Variants in RAB3GAP1 observed in about 807,000 individuals in gnomAD.
The protein encoded by RAB3GAP1 is rab3 GTPase-activating protein catalytic subunit.
RAB3GAP1 carries 86 observed loss-of-function variants against 130.7 expected under a neutral mutation model. The observed-to-expected ratio is 0.66, with a 90% CI of 0.55 to 0.79. RAB3GAP1 has a LOEUF of 0.79. RAB3GAP1 is among the 30% of genes least tolerant of loss of function. The probability of loss-of-function intolerance (pLI) is 0.00; values close to 1 mark genes in which losing one functional copy is unlikely to be tolerated. For synonymous variants in RAB3GAP1, 367 were observed against 401.7 expected (o/e 0.91, Z 1.03); for missense variants, 1,029 against 1,169.4 (o/e 0.88, Z 1.75).
At position 135,113,252 on chromosome 2, in the gene RAB3GAP1, C is replaced by T. The variant is rs779507214; in HGVS notation, c.464C>T (p.Ala155Val). Reference protein sequence around the residue: ...CNLLLSSVSIALGNTGCQVPL... With the variant: ...CNLLLSSVSIVLGNTGCQVPL... ...CTTCTTCTGAGTTCTGTTTCTATTG[C>T]CTTGGGAAACACTGGCTGGTGAGTG... Residue 155 changes from alanine to valine, a missense_variant, in exon 6 of 24, where the codon GCC (alanine) becomes GTC (valine). Transcript: ENST00000264158. The T allele has an allele frequency of 6.2e-7, 1 of 1,614,020 alleles. No homozygotes were observed. Among genetic ancestry groups the T allele is most frequent in the South Asian group, 1.1e-5 (1 of 91,074 alleles).
intron 8 of RAB3GAP1, 60 bp from the exon 9 acceptor site, chr2:135,124,105 A>G (rs1189595404): frequency 1.1e-5 from 16 of 1,484,388 alleles, no homozygotes; most frequent in Middle Eastern, 1.7e-4. Context: ...AAAGGGCTTA[A>G]CTAGATTAGA....
chr2:135,117,732 T>TCTG (rs1691061572), intron 7 of RAB3GAP1, among the ~76,000 whole-genome samples: 2 of 145,722 alleles, frequency 1.4e-5, no homozygotes, highest in Non-Finnish European at 3.0e-5. Context: ...TGCTTCTTCT[T>TCTG]CTTCTGCTTC....
chr2:135,162,417 T>G (rs1329825217), intron 19 of RAB3GAP1, 138 bp from the exon 20 acceptor site: 6 of 714,406 alleles, frequency 8.4e-6, no homozygotes, highest in Non-Finnish European at 1.5e-5. Flanking sequence ...ATCCTCACCT[T>G]TGGGGTCGTG....
chr2:135,055,309 C>G (rs777383701), intron 2 of RAB3GAP1, among the ~76,000 whole-genome samples: 1 of 152,188 alleles, frequency 6.6e-6, no homozygotes. Flanking sequence ...CTAGTCAAAT[C>G]TCAATACTTG....
rs1484138202 is a variant in RAB3GAP1, at chr2:135,169,559, G to A, written c.*778G>A. 6 of 245,576 alleles carry A rather than the reference G, an allele frequency of 2.4e-5. No individual in the cohort carries two copies. The highest frequency in any genetic ancestry group is 9.6e-5 in the Admixed American group (2 of 20,850). The allele number at this position is 245,576 out of a possible 1,614,324, so 15.2% of individuals were successfully genotyped here. ...CCCCTTCTCTTGCTGTACAGCATGC[G>A]TTCTCTTTTTGTGGTTGCTGGCTGG... is the stretch of plus-strand genomic sequence containing the variant. On this transcript the variant is annotated 3_prime_UTR_variant, in exon 24 of 24. Transcript: ENST00000264158.
intron 19 of RAB3GAP1, among the ~76,000 whole-genome samples, chr2:135,156,189 AT>A (rs1692304275): frequency 2.0e-5 from 3 of 152,170 alleles, no homozygotes; most frequent in African/African-American, 7.2e-5. Flanking sequence ...CATAGAGACA[AT>A]TATCAAGGAA....
intron 22 of RAB3GAP1, among the ~76,000 whole-genome samples, chr2:135,163,405 T>C (rs1692526568): frequency 6.6e-6 from 1 of 152,216 alleles, no homozygotes; most frequent in Non-Finnish European, 1.5e-5. Context: ...AGCTGTTAAC[T>C]GTGTTGCTCA....
At chr2:135,144,551 C>G (rs1468581007) in intron 17 of RAB3GAP1, among the ~76,000 whole-genome samples, 1 of 152,222 alleles carries the variant, frequency 6.6e-6, no homozygotes, top group Non-Finnish European at 1.5e-5. Flanking sequence ...GAGAGTTTCT[C>G]AATCCAGTCT....
chr2:135,141,196 A>C (rs1266721750), intron 17 of RAB3GAP1, among the ~76,000 whole-genome samples: 1 of 149,238 alleles, frequency 6.7e-6, no homozygotes, highest in Non-Finnish European at 1.5e-5. Context: ...CTTGTATTGC[A>C]AATATTTTGT....
chr2:135,106,084 C>A (rs910395553), intron 5 of RAB3GAP1, among the ~76,000 whole-genome samples: 1 of 152,116 alleles, frequency 6.6e-6, no homozygotes, highest in Non-Finnish European at 1.5e-5. Context: ...GGCAGCCGCC[C>A]CATCCGGGAG....
chr2:135,167,742 T>G (rs1319555763), intron 23 of RAB3GAP1: 1 of 1,452,626 alleles, frequency 6.9e-7, no homozygotes, highest in Non-Finnish European at 9.3e-7. Flanking sequence ...CCCCTCATAG[T>G]TCCTTGTTCC....
At chr2:135,064,419 A>ATTTCGAGTTCATTTTTTC (rs1689260073) in intron 3 of RAB3GAP1, among the ~76,000 whole-genome samples, 1 of 151,720 alleles carries the variant, frequency 6.6e-6, no homozygotes, top group South Asian at 2.1e-4. Flanking sequence ...ATTTTTCTTG[A>ATTTCGAGTTCATTTTTTC]TTTCGAGTTC....
At chr2:135,167,811 A>G in intron 23 of RAB3GAP1, 5 of 1,080,788 alleles carry the variant, frequency 4.6e-6, no homozygotes, top group Non-Finnish European at 5.1e-6. Context: ...CACAGTCTGG[A>G]TTTGGCTTAC....
chr2:135,133,096 T>C, intron 14 of RAB3GAP1, 112 bp downstream of exon 14: 1 of 726,778 alleles, frequency 1.4e-6, no homozygotes, highest in Non-Finnish European at 2.3e-6. Flanking sequence ...AAAATCACCT[T>C]GGGAATTTTG....
At position 135,142,648 on chromosome 2, in the gene RAB3GAP1, A is replaced by G. The variant is rs6726200; in HGVS notation, c.1923+6716A>G. Among the ~76,000 whole-genome samples the G allele has an allele frequency of 9.8e-3, 1,494 of 152,186 alleles. 23 individuals are homozygous for G. The highest frequency in any genetic ancestry group is 0.034 in the African/African-American group (1,423 of 41,542). On this transcript the variant is annotated intron_variant, in intron 17 of 23. Transcript: ENST00000264158. The stretch of plus-strand genomic sequence containing the variant: ...GCACCTGATGTAGATATCACTTATC[A>G]TATTAAGGAAGTTCCATTCCTAGTT...
chr2:135,103,034 G>GTTTTTTTTTTTTTTTTTT (rs1355666279), intron 5 of RAB3GAP1, among the ~76,000 whole-genome samples: 6 of 100,474 alleles, frequency 6.0e-5, no homozygotes, highest in East Asian at 3.1e-4. Context: ...TCATTTTTGT[G>GTTTTTTTTTTTTTTTTTT]ATTTTTTTTT....
intron 14 of RAB3GAP1, 106 bp downstream of exon 14, chr2:135,133,090 T>C (rs1691592012): frequency 1.3e-6 from 1 of 766,004 alleles, no homozygotes; most frequent in South Asian, 1.6e-5. Flanking sequence ...ATTTTAAAAA[T>C]CACCTTGGGA....
At chr2:135,094,099 C>A (rs558488024) in intron 5 of RAB3GAP1, among the ~76,000 whole-genome samples, 1 of 152,096 alleles carries the variant, frequency 6.6e-6, no homozygotes, top group East Asian at 1.9e-4. Flanking sequence ...AGCAGGTGTT[C>A]GGCATAAATT....
intron 19 of RAB3GAP1, among the ~76,000 whole-genome samples, chr2:135,155,427 A>G (rs1014069956): frequency 1.6e-4 from 24 of 152,302 alleles, no homozygotes; most frequent in African/African-American, 5.5e-4. Flanking sequence ...AGTTTCCTTT[A>G]AGGAGAAAAA....
Sources: allele counts gnomAD v4.1 joint callset (sites outside exome capture counted in the v4.1 genomes callset), GRCh38; gene constraint gnomAD v4.1.1; transcripts MANE v1.5; gene names NCBI Gene and HGNC (gene_info 2026-07-23, HGNC 2026-07-21).